The following RXFP2 variants were observed in gnomAD, a reference collection of about 807,000 sequenced individuals.
RXFP2 encodes the protein relaxin receptor 2.
Under a neutral mutation model 88.6 loss-of-function variants are expected in RXFP2, and 68 were observed. The ratio of observed to expected loss-of-function variants is 0.77; its 90% CI spans 0.63 to 0.94. RXFP2 has a LOEUF of 0.94. RXFP2 is among the 40% of genes least tolerant of loss of function. The pLI is 0.00. For missense variants in RXFP2, 791 were observed against 893.9 expected, an observed-to-expected ratio of 0.88 and a Z score of 1.47; for synonymous variants, 329 against 306.8, an observed-to-expected ratio of 1.07 and a Z score of -0.76.
At chr13:31,763,902 G>T (rs1299866983) in intron 3 of RXFP2, among the ~76,000 whole-genome samples, 3 of 152,006 alleles carry the variant, frequency 2.0e-5, no homozygotes, top group African/African-American at 7.2e-5. Flanking sequence ...TAACATATAT[G>T]TATAGACAAC....
chr13:31,777,177 T>C (rs1042778600), intron 7 of RXFP2, among the ~76,000 whole-genome samples, 199 bp from the exon 8 acceptor site: 1 of 151,824 alleles, frequency 6.6e-6, no homozygotes, highest in African/African-American at 2.4e-5. Context: ...AGGATCCAAC[T>C]TGATAAGTGG....
Position 31,782,910 on chromosome 13 carries a change from A to T in RXFP2, c.929+163A>T, listed in dbSNP as rs75502853. On this transcript the variant is annotated intron_variant, in intron 11 of 17. Coordinates refer to ENST00000298386, the MANE Select transcript of RXFP2 (RefSeq NM_130806.5). ...CCAACATTATCCTGAAGTCCAAAGC[A>T]CATTCAAATCAGACAGTGGGCTAAA... Among the ~76,000 whole-genome samples, 7 of 152,346 alleles carry T rather than the reference A, an allele frequency of 4.6e-5. No individual in the cohort carries two copies. In the East Asian group the frequency reaches 1.3e-3, roughly 29 times the overall value.
At chr13:31,767,033 A>G (rs778278381) in intron 5 of RXFP2, among the ~76,000 whole-genome samples, 1 of 152,150 alleles carries the variant, frequency 6.6e-6, no homozygotes, top group Non-Finnish European at 1.5e-5. Flanking sequence ...TTTATCCTTC[A>G]ATATCCAGCA....
At chr13:31,781,625 A>G (rs1227630488) in intron 9 of RXFP2, 46 bp from the exon 10 acceptor site, 1 of 1,372,670 alleles carries the variant, frequency 7.3e-7, no homozygotes, top group South Asian at 1.2e-5. Flanking sequence ...TAAGCATATG[A>G]TTTGTACAAA....
intron 2 of RXFP2, among the ~76,000 whole-genome samples, chr13:31,760,382 C>T (rs1044358261): frequency 3.2e-4 from 49 of 152,160 alleles, no homozygotes; most frequent in African/African-American, 9.7e-4. Context: ...TGAGCCACTG[C>T]GCTTGGCCCT....
At chr13:31,746,843 A>G (rs1449263209) in intron 1 of RXFP2, among the ~76,000 whole-genome samples, 3 of 152,044 alleles carry the variant, frequency 2.0e-5, no homozygotes, top group Non-Finnish European at 4.4e-5. Context: ...GAAATGTAGA[A>G]GACACTGATT....
At chr13:31,788,218 A>G (rs1487553138) in intron 13 of RXFP2, among the ~76,000 whole-genome samples, 1 of 152,216 alleles carries the variant, frequency 6.6e-6, no homozygotes, top group Admixed American at 6.5e-5. Context: ...ACTCAGTAGT[A>G]TAACAGCTTT....
rs112077541 is a variant in RXFP2, at chr13:31,782,629, C to T, written c.858-47C>T. The T allele has an allele frequency of 7.9e-6, 11 of 1,383,844 alleles. No homozygotes were observed. In the South Asian group the frequency reaches 1.2e-4, roughly 15 times the overall value. 85.7% of individuals were successfully genotyped at this position (1,383,844 alleles called of 1,614,324 possible). A position where few individuals can be genotyped will look rare whatever the true frequency, so the allele number is the denominator to read the frequency against. The stretch of plus-strand genomic sequence containing the variant: ...GGCCTCTCCCAATGAGAACTGATTA[C>T]TACAGCAGACGCAAACCCACATGCT... On this transcript the variant is annotated intron_variant, in intron 10 of 17. Transcript: ENST00000298386.
At chr13:31,761,089 G>A (rs1872281279) in intron 2 of RXFP2, among the ~76,000 whole-genome samples, 1 of 151,910 alleles carries the variant, frequency 6.6e-6, no homozygotes, top group Admixed American at 6.6e-5. Context: ...CAAGTAGCTA[G>A]GACTACAGGT....
chr13:31,774,892 A>G (rs1174005045), intron 6 of RXFP2, among the ~76,000 whole-genome samples: 2 of 152,214 alleles, frequency 1.3e-5, no homozygotes, highest in Admixed American at 6.5e-5. Flanking sequence ...GTTCTCCTTA[A>G]CCTTGTCTTC....
intron 3 of RXFP2, 21 bp from the exon 4 acceptor site, chr13:31,765,016 T>G (rs1294248531): frequency 7.7e-7 from 1 of 1,290,392 alleles, no homozygotes; most frequent in East Asian, 2.3e-5. Flanking sequence ...TAGTGAAATC[T>G]TACTCTTTTT....
chr13:31,741,040 A>C (rs566650827), intron 1 of RXFP2, among the ~76,000 whole-genome samples: 1 of 152,068 alleles, frequency 6.6e-6, no homozygotes, highest in East Asian at 1.9e-4. Flanking sequence ...CTATAACCAC[A>C]GTTTAACCAA....
chr13:31,741,015 C>T (rs1053531332), intron 1 of RXFP2, among the ~76,000 whole-genome samples: 2 of 151,976 alleles, frequency 1.3e-5, no homozygotes, highest in African/African-American at 2.4e-5. Flanking sequence ...TTAAAAAGTT[C>T]TTTAATGTAC....
chr13:31,776,115 TTTCTTTC>T (rs1566227923), intron 7 of RXFP2, among the ~76,000 whole-genome samples: 37 of 141,854 alleles, frequency 2.6e-4, no homozygotes, highest in African/African-American at 9.5e-4. Flanking sequence ...TCTTTCTTTC[TTTCTTTC>T]TTTCTTTCTT....
intron 5 of RXFP2, among the ~76,000 whole-genome samples, chr13:31,769,613 C>T (rs188681206): frequency 1.3e-5 from 2 of 152,276 alleles, no homozygotes; most frequent in East Asian, 3.9e-4. Context: ...GGGAAGAACT[C>T]GCATCCCTTT....
intron 14 of RXFP2, among the ~76,000 whole-genome samples, chr13:31,789,599 G>T (rs1420370049): frequency 6.6e-6 from 1 of 152,202 alleles, no homozygotes; most frequent in Non-Finnish European, 1.5e-5. Flanking sequence ...TGTTGTTACT[G>T]TTACTAAGTG....
intron 3 of RXFP2, among the ~76,000 whole-genome samples, chr13:31,763,759 A>G (rs1872412575): frequency 6.6e-6 from 1 of 152,128 alleles, no homozygotes; most frequent in Non-Finnish European, 1.5e-5. Flanking sequence ...GACCATATGA[A>G]ATTATTCTAT....
intron 1 of RXFP2, among the ~76,000 whole-genome samples, chr13:31,755,452 G>T (rs995891078): frequency 8.6e-5 from 13 of 151,964 alleles, no homozygotes; most frequent in African/African-American, 2.9e-4. Context: ...TGAGTGTGGG[G>T]GTGTAGGTGT....
intron 11 of RXFP2, among the ~76,000 whole-genome samples, chr13:31,785,332 A>G (rs1308206572): frequency 1.3e-5 from 2 of 151,986 alleles, no homozygotes; most frequent in Non-Finnish European, 2.9e-5. Context: ...TCCTCCACCC[A>G]TGTTGGATCA....
Sources: allele counts gnomAD v4.1 joint callset (sites outside exome capture counted in the v4.1 genomes callset), GRCh38; gene constraint gnomAD v4.1.1; transcripts MANE v1.5; gene names NCBI Gene and HGNC (gene_info 2026-07-23, HGNC 2026-07-21).